ANKS1B: variants seen among roughly 807,000 people sequenced by gnomAD.
The protein encoded by ANKS1B is ankyrin repeat and sterile alpha motif domain containing 1B, also known as ankyrin repeat and sterile alpha motif domain-containing protein 1B.
Under a neutral mutation model 148.3 loss-of-function variants are expected in ANKS1B, and 36 were observed. The ratio of observed to expected loss-of-function variants is 0.24; its 90% CI spans 0.19 to 0.32. ANKS1B has a LOEUF of 0.32. Among genes scored for constraint, ANKS1B ranks in the 10% least tolerant of loss-of-function variants. ANKS1B has a pLI of 1.00. For synonymous variants in ANKS1B, 542 were observed against 560.8 expected (o/e 0.97, Z 0.47); for missense variants, 1,157 against 1,542.6 (o/e 0.75, Z 4.19).
chr12:99,096,722 A>C (rs2056280428), intron 15 of ANKS1B, among the ~76,000 whole-genome samples: 2 of 152,198 alleles, frequency 1.3e-5, no homozygotes, highest in African/African-American at 4.8e-5. Flanking sequence ...TCTTCACTGA[A>C]TAATATTACT....
chr12:99,524,407 G>A (rs147360006), intron 9 of ANKS1B, among the ~76,000 whole-genome samples: 46 of 152,220 alleles, frequency 3.0e-4, no homozygotes, highest in African/African-American at 1.0e-3. Context: ...AAGGAACTTT[G>A]CAGATGTAAG....
intron 12 of ANKS1B, among the ~76,000 whole-genome samples, chr12:99,384,146 T>C (rs2093762881): frequency 6.6e-6 from 1 of 152,196 alleles, no homozygotes; most frequent in African/African-American, 2.4e-5. Context: ...TAGTAATGTG[T>C]CTGATGCTTA....
chr12:98,833,043 C>G (rs2099332091), intron 17 of ANKS1B, among the ~76,000 whole-genome samples: 1 of 152,128 alleles, frequency 6.6e-6, no homozygotes, highest in Non-Finnish European at 1.5e-5. Context: ...CTCAGAGCCT[C>G]CCCAGGATGG....
intron 1 of ANKS1B, among the ~76,000 whole-genome samples, chr12:99,958,243 C>A (rs1157155631): frequency 6.6e-6 from 1 of 152,038 alleles, no homozygotes; most frequent in Admixed American, 6.6e-5. Flanking sequence ...GGAATTGAGT[C>A]GGGTTGGAGA....
intron 9 of ANKS1B, among the ~76,000 whole-genome samples, chr12:99,530,425 T>G (rs1939158132): frequency 6.6e-6 from 1 of 152,178 alleles, no homozygotes; most frequent in Non-Finnish European, 1.5e-5. Flanking sequence ...TAGGAGTCAG[T>G]TAACTTCCCT....
At chr12:99,393,455 A>G (rs778489791) in intron 12 of ANKS1B, among the ~76,000 whole-genome samples, 2 of 152,230 alleles carry the variant, frequency 1.3e-5, no homozygotes, top group Non-Finnish European at 2.9e-5. Context: ...AGAAGAAGTG[A>G]ACTCAGATAA....
chr12:99,198,066 A>T (rs922247800), intron 14 of ANKS1B, among the ~76,000 whole-genome samples: 1 of 152,082 alleles, frequency 6.6e-6, no homozygotes, highest in African/African-American at 2.4e-5. Context: ...TATTCAAACT[A>T]TAACTCAGGT....
intron 12 of ANKS1B, among the ~76,000 whole-genome samples, chr12:99,288,555 T>A (rs1383150927): frequency 6.6e-6 from 1 of 152,178 alleles, no homozygotes; most frequent in African/African-American, 2.4e-5. Context: ...AAAGCACCCA[T>A]ATCTTGAGTA....
intron 1 of ANKS1B, among the ~76,000 whole-genome samples, chr12:99,894,529 A>AC (rs2153750897): frequency 6.7e-6 from 1 of 150,148 alleles, no homozygotes; most frequent in Non-Finnish European, 1.5e-5. Flanking sequence ...AAAAAAAAAA[A>AC]ACAAGGTACA....
chr12:99,808,435 C>A (rs548541297), intron 3 of ANKS1B, among the ~76,000 whole-genome samples: 79 of 152,090 alleles, frequency 5.2e-4, no homozygotes, highest in Non-Finnish European at 1.0e-3. Context: ...GTCAAACCCA[C>A]AGGGAAAAAT....
At chr12:99,920,571 G>A (rs528924973) in intron 1 of ANKS1B, among the ~76,000 whole-genome samples, 1 of 152,138 alleles carries the variant, frequency 6.6e-6, no homozygotes, top group Admixed American at 6.6e-5. Context: ...GTCCACCAAT[G>A]ATTAATTCAT....
chr12:99,332,257 C>A (rs749962629), intron 12 of ANKS1B, among the ~76,000 whole-genome samples: 1 of 152,030 alleles, frequency 6.6e-6, no homozygotes, highest in African/African-American at 2.4e-5. Flanking sequence ...TTCATGCGCA[C>A]ATTAAAGTTT....
chr12:99,341,822 T>G (rs929989437), intron 12 of ANKS1B, among the ~76,000 whole-genome samples: 1 of 152,034 alleles, frequency 6.6e-6, no homozygotes, highest in Non-Finnish European at 1.5e-5. Flanking sequence ...ATAATAAAGG[T>G]ATATAGAAGG....
intron 17 of ANKS1B, among the ~76,000 whole-genome samples, chr12:98,977,993 T>C (rs1225812432): frequency 6.6e-6 from 1 of 152,132 alleles, no homozygotes; most frequent in Non-Finnish European, 1.5e-5. Context: ...ATGGGAGAGA[T>C]AGCAAGTATC....
chr12:99,851,612 A>AT (rs1297209534), intron 1 of ANKS1B, among the ~76,000 whole-genome samples: 1 of 151,890 alleles, frequency 6.6e-6, no homozygotes, highest in Non-Finnish European at 1.5e-5. Flanking sequence ...AAGGAGTGAA[A>AT]TTTTTTTTCT....
chr12:99,313,134 GT>G (rs1449721864), intron 12 of ANKS1B, among the ~76,000 whole-genome samples: 1 of 151,952 alleles, frequency 6.6e-6, no homozygotes, highest in Non-Finnish European at 1.5e-5. Flanking sequence ...ATCAGAGAAT[GT>G]TATAAACAAC....
At chr12:99,034,980 T>C (rs1384166399) in intron 17 of ANKS1B, among the ~76,000 whole-genome samples, 3 of 152,164 alleles carry the variant, frequency 2.0e-5, no homozygotes, top group Non-Finnish European at 4.4e-5. Context: ...AGGAAGGCCT[T>C]GACCCAAGGA....
rs2097254432 is a variant in ANKS1B, at chr12:99,554,325, G to T, written c.1273-49684C>A. Among the ~76,000 whole-genome samples, 3 of 152,158 alleles carry T rather than the reference G, an allele frequency of 2.0e-5. No homozygotes were observed. The South Asian group carries it at 6.2e-4, about 31-fold the overall frequency. ...GGAATAAGGAAGGATAGATAGCCAT[G>T]GAATGGATATGAGTCAGGGATTTTT... On this transcript the variant is annotated intron_variant, in intron 9 of 26. Coordinates refer to ENST00000683438, the MANE Select transcript of ANKS1B (RefSeq NM_001352186.2).
At chr12:99,851,798 C>T (rs2087898296) in intron 1 of ANKS1B, among the ~76,000 whole-genome samples, 1 of 152,106 alleles carries the variant, frequency 6.6e-6, no homozygotes, top group Non-Finnish European at 1.5e-5. Flanking sequence ...AACTATGTGA[C>T]AAAATTAACT....
Sources: gnomAD v4.1 joint callset for allele counts (sites outside exome capture counted in the v4.1 genomes callset) on GRCh38, gnomAD v4.1.1 for gene constraint, MANE v1.5 for transcripts, NCBI Gene and HGNC (gene_info 2026-07-23, HGNC 2026-07-21) for gene names.